The following TEX36 variants were observed in gnomAD, a reference collection of about 807,000 sequenced individuals.
The protein encoded by TEX36 is testis-expressed protein 36.
TEX36 carries 12 observed loss-of-function variants against 13.6 expected under a neutral mutation model. The observed-to-expected ratio is 0.88, with a 90% CI of 0.56 to 1.43. TEX36 has a LOEUF of 1.43. Among genes scored for constraint, TEX36 ranks in the 40% most tolerant of loss-of-function variants. TEX36 has a pLI of 0.00. For synonymous variants in TEX36, 93 were observed against 83.0 expected (o/e 1.12, Z -0.65); for missense variants, 224 against 228.3 (o/e 0.98, Z 0.12).
intron 3 of TEX36, among the ~76,000 whole-genome samples, chr10:125,589,344 T>A (rs1275217147): frequency 6.6e-6 from 1 of 152,220 alleles, no homozygotes. Flanking sequence ...TCTTATCTTT[T>A]TTCTGTGTAT....
At chr10:125,610,643 T>C (rs1846277430) in intron 3 of TEX36, among the ~76,000 whole-genome samples, 1 of 152,168 alleles carries the variant, frequency 6.6e-6, no homozygotes, top group African/African-American at 2.4e-5. Flanking sequence ...TGGGGATCTA[T>C]CTTTTCATGT....
rs544564706 is a variant in TEX36, at chr10:125,602,637, C to A, written c.265-25763G>T. Among the ~76,000 whole-genome samples, 9 of 152,270 alleles carry A rather than the reference C, an allele frequency of 5.9e-5. No homozygotes were observed. In the South Asian group the frequency reaches 1.9e-3, roughly 32 times the overall value. On this transcript the variant is annotated intron_variant, in intron 3 of 3. Coordinates refer to the TEX36 transcript ENST00000532135. ...TCATTCAACAAACACACTGTGAGTG[C>A]CGGCTCTGTGTCCTAAAGACACAAA...
Position 125,661,014 on chromosome 10 carries a change from TACTC to T in TEX36, c.264+3_264+6del. On this transcript the variant is annotated splice_donor_5th_base_variant and intron_variant, in intron 3 of 3. Transcript: ENST00000368821. The stretch of plus-strand genomic sequence containing the variant: ...GTTTTATTAATAATTTGGAAAGAAA[TACTC>T]ACGGAGTCAAGGTAGCATCCAGAGT... The T allele has an allele frequency of 6.5e-7, 1 of 1,548,790 alleles. No individual in the cohort carries two copies. Among genetic ancestry groups the T allele is most frequent in the East Asian group, 2.4e-5 (1 of 40,910 alleles).
intron 3 of TEX36, among the ~76,000 whole-genome samples, chr10:125,577,560 A>G (rs952680799): frequency 1.3e-5 from 2 of 152,270 alleles, no homozygotes; most frequent in African/African-American, 2.4e-5. Flanking sequence ...ATCATAAAAA[A>G]TAATTTAAAA....
chr10:125,577,005 A>T (rs1010837155), intron 3 of TEX36: 3 of 1,212,452 alleles, frequency 2.5e-6, no homozygotes, highest in Non-Finnish European at 3.4e-6. Flanking sequence ...AGAAGGATTT[A>T]GTGAGACTTA....
At chr10:125,653,080 A>G (rs552165084), downstream of TEX36, among the ~76,000 whole-genome samples, 174 of 152,300 alleles carry the variant, frequency 1.1e-3, 1 homozygote, top group African/African-American at 4.2e-3. Context: ...ACAGTGTGGC[A>G]ATTCCTCAAG....
chr10:125,605,014 A>G (rs1846198167), intron 3 of TEX36, among the ~76,000 whole-genome samples: 1 of 152,196 alleles, frequency 6.6e-6, no homozygotes, highest in Admixed American at 6.5e-5. Context: ...ACGTGCTTGA[A>G]TCATCTGGAA....
rs182647732 is a variant in TEX36, at chr10:125,642,492, G to A, written c.264+18529C>T. Among the ~76,000 whole-genome samples, 611 of 150,230 alleles carry A rather than the reference G, an allele frequency of 4.1e-3. 11 individuals carry two copies. The highest frequency in any genetic ancestry group is 0.015 in the African/African-American group (582 of 39,576). On this transcript the variant is annotated intron_variant, in intron 3 of 3. Coordinates refer to the TEX36 transcript ENST00000526819. Reference sequence around the variant, plus strand: ...ACTACGATGCTTACTAATTTAAGATGCGTGAAACATCATTTGATATTCTCT... The same window carrying A: ...ACTACGATGCTTACTAATTTAAGATACGTGAAACATCATTTGATATTCTCT...
chr10:125,620,238 T>C (rs1846413358), downstream of TEX36, among the ~76,000 whole-genome samples: 2 of 152,334 alleles, frequency 1.3e-5, no homozygotes, highest in Admixed American at 1.3e-4. Flanking sequence ...AAGTTACCCA[T>C]CTCAACAAAT....
intron 3 of TEX36, among the ~76,000 whole-genome samples, chr10:125,605,317 T>A (rs781411545): frequency 4.7e-5 from 7 of 150,252 alleles, no homozygotes; most frequent in Non-Finnish European, 7.4e-5. Flanking sequence ...TGTGGTCAGT[T>A]ATTCTCCACA....
At chr10:125,631,725 C>G (rs966083933) in intron 3 of TEX36, among the ~76,000 whole-genome samples, 2 of 152,148 alleles carry the variant, frequency 1.3e-5, no homozygotes, top group African/African-American at 4.8e-5. Flanking sequence ...AACAGCATGG[C>G]CAAGGCCCAG....
intron 3 of TEX36, among the ~76,000 whole-genome samples, chr10:125,644,061 A>G (rs1846730839): frequency 6.6e-6 from 1 of 152,254 alleles, no homozygotes; most frequent in South Asian, 2.1e-4. Flanking sequence ...AAAAATAACA[A>G]GCTATAGAAA....
At chr10:125,625,732 A>G (rs1362842066) in intron 3 of TEX36, among the ~76,000 whole-genome samples, 1 of 152,266 alleles carries the variant, frequency 6.6e-6, no homozygotes, top group African/African-American at 2.4e-5. Context: ...AACGTTGCCA[A>G]CACCCCAGAG....
At chr10:125,590,825 G>T (rs986946538) in intron 3 of TEX36, among the ~76,000 whole-genome samples, 1 of 152,136 alleles carries the variant, frequency 6.6e-6, no homozygotes, top group African/African-American at 2.4e-5. Flanking sequence ...ACAATAGAGA[G>T]ATTCTATATA....
intron 3 of TEX36, among the ~76,000 whole-genome samples, chr10:125,582,221 T>C (rs568190360): frequency 5.9e-5 from 9 of 152,318 alleles, no homozygotes; most frequent in South Asian, 2.1e-4. Flanking sequence ...TCCTAACTGA[T>C]GCATCATCCC....
At chr10:125,582,688 G>T (rs1035652379) in intron 3 of TEX36, among the ~76,000 whole-genome samples, 4 of 152,038 alleles carry the variant, frequency 2.6e-5, no homozygotes, top group Non-Finnish European at 4.4e-5. Flanking sequence ...AATAAACCTC[G>T]GGAATTTACA....
chr10:125,605,586 G>GTTTATTTATTTATTTA (rs56727269), intron 3 of TEX36, among the ~76,000 whole-genome samples: 4 of 151,396 alleles, frequency 2.6e-5, no homozygotes, highest in Non-Finnish European at 5.9e-5. Context: ...GGTCCAAGAT[G>GTTTATTTATTTATTTA]TTTATTTATT....
At chr10:125,666,335 G>C (rs1055356449) in intron 1 of TEX36, among the ~76,000 whole-genome samples, 2 of 152,106 alleles carry the variant, frequency 1.3e-5, no homozygotes, top group Non-Finnish European at 2.9e-5. Context: ...GCTGTGGGTT[G>C]GCTGTATATG....
At position 125,597,873 on chromosome 10, in the gene TEX36, T is replaced by C. The variant is rs568897449; in HGVS notation, c.265-20999A>G. ...ACATATGCTAGGTGTTATCTTTTAG[T>C]TTCTATAGGGATCCCAAACACTTTG... On this transcript the variant is annotated intron_variant, in intron 3 of 3. Coordinates refer to the TEX36 transcript ENST00000532135. Among the ~76,000 whole-genome samples, 39 of 152,346 alleles carry C rather than the reference T, an allele frequency of 2.6e-4. 2 individuals are homozygous for C. The highest frequency in any genetic ancestry group is 2.3e-3 in the Admixed American group (35 of 15,312).
Sources: allele counts gnomAD v4.1 joint callset (sites outside exome capture counted in the v4.1 genomes callset), GRCh38; gene constraint gnomAD v4.1.1; transcripts MANE v1.5; gene names NCBI Gene and HGNC (gene_info 2026-07-23, HGNC 2026-07-21).